TECPR2: variants seen among roughly 807,000 people sequenced by gnomAD.
TECPR2 encodes the protein tectonin beta-propeller repeat containing 2.
Under a neutral mutation model 138.1 loss-of-function variants are expected in TECPR2, and 65 were observed. The observed-to-expected ratio is 0.47, with a 90% CI of 0.39 to 0.58. The LOEUF (loss-of-function observed/expected upper bound fraction) is 0.58. Ranked by LOEUF, TECPR2 falls within the 20% of genes least tolerant of loss-of-function variation. The probability of loss-of-function intolerance (pLI) is 0.00; values close to 1 mark genes in which losing one functional copy is unlikely to be tolerated. For missense variants in TECPR2, 1,553 were observed against 1,824.5 expected, an observed-to-expected ratio of 0.85 and a Z score of 2.71; for synonymous variants, 746 against 749.8, an observed-to-expected ratio of 0.99 and a Z score of 0.08.
intron 8 of TECPR2, among the ~76,000 whole-genome samples, chr14:102,433,670 A>G (rs1016559920): frequency 3.3e-5 from 5 of 151,886 alleles, no homozygotes; most frequent in Non-Finnish European, 5.9e-5. Context: ...ACAGGTGCCC[A>G]CTACCACGCC....
At chr14:102,449,094 T>C (rs533743059) in intron 13 of TECPR2, among the ~76,000 whole-genome samples, 22 of 152,292 alleles carry the variant, frequency 1.4e-4, no homozygotes, top group South Asian at 4.1e-4. Flanking sequence ...GAGACCTGTC[T>C]CTACAAAAAA....
intron 2 of TECPR2, among the ~76,000 whole-genome samples, chr14:102,405,790 A>G (rs1215202109): frequency 6.6e-6 from 1 of 152,226 alleles, no homozygotes; most frequent in African/African-American, 2.4e-5. Context: ...GCGTCTATCA[A>G]CGGATGAATG....
At chr14:102,436,318 CTTTT>C (rs558287413) in intron 9 of TECPR2, among the ~76,000 whole-genome samples, 14 of 135,504 alleles carry the variant, frequency 1.0e-4, no homozygotes, top group Non-Finnish European at 2.1e-4. Flanking sequence ...TTCTTTCTTT[CTTTT>C]TTTTTTTTTT....
intron 17 of TECPR2, among the ~76,000 whole-genome samples, chr14:102,490,068 T>C (rs1180474715): frequency 6.6e-6 from 1 of 151,878 alleles, no homozygotes; most frequent in Admixed American, 6.6e-5. Context: ...AGCAAAGGTG[T>C]GTTGAGACCG....
chr14:102,456,879 G>A (rs1049831811), intron 16 of TECPR2, among the ~76,000 whole-genome samples: 2 of 151,772 alleles, frequency 1.3e-5, no homozygotes, highest in Non-Finnish European at 2.9e-5. Flanking sequence ...GTGAGCTACC[G>A]CACCCAGCCT....
chr14:102,488,906 A>T (rs1370011636), intron 17 of TECPR2, among the ~76,000 whole-genome samples: 4 of 146,784 alleles, frequency 2.7e-5, no homozygotes, highest in Non-Finnish European at 6.0e-5. Flanking sequence ...TTTGAGATGG[A>T]GTTTTGCTCT....
At chr14:102,363,736 AC>A (rs1887261741) in intron 1 of TECPR2, among the ~76,000 whole-genome samples, 1 of 152,200 alleles carries the variant, frequency 6.6e-6, no homozygotes, top group South Asian at 2.1e-4. Context: ...CAAGTGCCCT[AC>A]CTCACTCCGC....
intron 2 of TECPR2, among the ~76,000 whole-genome samples, chr14:102,405,752 G>A (rs1888641456): frequency 6.6e-6 from 1 of 152,194 alleles, no homozygotes; most frequent in African/African-American, 2.4e-5. Context: ...CTTATTCACA[G>A]TAGTTAAAAT....
At chr14:102,384,925 C>T (rs1205316904) in intron 2 of TECPR2, among the ~76,000 whole-genome samples, 1 of 133,532 alleles carries the variant, frequency 7.5e-6, no homozygotes, top group African/African-American at 2.8e-5. Flanking sequence ...GGTGCAATCT[C>T]GGCTCACTGC....
Position 102,428,222 on chromosome 14 carries a change from GTTT to G in TECPR2, c.952-8_952-6del, listed in dbSNP as rs565236204. 0.022 allele frequency: 23,174 copies of G among 1,040,084 alleles called. 9 individuals are homozygous for G. Among genetic ancestry groups the G allele is most frequent in the Non-Finnish European group, 0.025 (20,304 of 821,520 alleles). The allele number at this position is 1,040,084 out of a possible 1,614,324, so 64.4% of individuals were successfully genotyped here. ...ACCGTTGTTTAGTTTTGTGTTTTTT[GTTT>G]TTTTTTTTTTTTTTTTTTTGACAGG... is the stretch of plus-strand genomic sequence containing the variant. On this transcript the variant is annotated intron_variant, in intron 6 of 19. Coordinates refer to ENST00000359520, the MANE Select transcript of TECPR2 (RefSeq NM_014844.5).
intron 17 of TECPR2, among the ~76,000 whole-genome samples, chr14:102,483,879 C>G (rs372203152): frequency 6.9e-6 from 1 of 145,964 alleles, no homozygotes; most frequent in South Asian, 2.2e-4. Context: ...TCACTACAGC[C>G]TCTGCCCCCC....
intron 17 of TECPR2, among the ~76,000 whole-genome samples, chr14:102,478,380 C>CA (rs201347778): frequency 0.028 from 4,157 of 146,474 alleles, 73 homozygotes; most frequent in Middle Eastern, 0.09. Flanking sequence ...TTAAAGTGTA[C>CA]AAAAAAAAAA....
At chr14:102,487,268 C>T (rs1217832202) in intron 17 of TECPR2, among the ~76,000 whole-genome samples, 1 of 152,218 alleles carries the variant, frequency 6.6e-6, no homozygotes, top group African/African-American at 2.4e-5. Context: ...CTCGGTCCAC[C>T]CTGGTATTCC....
chr14:102,469,238 T>A (rs188878755), intron 17 of TECPR2, among the ~76,000 whole-genome samples: 20 of 152,358 alleles, frequency 1.3e-4, no homozygotes, highest in Non-Finnish European at 1.9e-4. Flanking sequence ...TATTTAGATC[T>A]TCTTTACTTT....
chr14:102,431,544 G>A lies in TECPR2; in HGVS notation c.1085-252G>A, dbSNP rs546375047. ...TTTTTAGTAGAGACGGGGTTTCACT[G>A]TGTTAGCCAGGATGGTCTTGATCTC... On this transcript the variant is annotated intron_variant, in intron 7 of 19. Coordinates refer to ENST00000359520, the MANE Select transcript of TECPR2 (RefSeq NM_014844.5). Among the ~76,000 whole-genome samples, 1,068 of 152,082 alleles carry A rather than the reference G, an allele frequency of 7.0e-3. 9 individuals are homozygous for A. Among genetic ancestry groups the A allele is most frequent in the African/African-American group, 0.019 (782 of 41,476 alleles).
intron 1 of TECPR2, among the ~76,000 whole-genome samples, chr14:102,369,380 A>T (rs1469055939): frequency 6.6e-6 from 1 of 152,140 alleles, no homozygotes; most frequent in Non-Finnish European, 1.5e-5. Context: ...TTTTATTTTT[A>T]AAAAAGTTTT....
chr14:102,470,193 A>G (rs908488682), intron 17 of TECPR2, among the ~76,000 whole-genome samples: 39 of 152,110 alleles, frequency 2.6e-4, no homozygotes, highest in African/African-American at 9.2e-4. Flanking sequence ...CCCATTTGTT[A>G]GAATTCGTCA....
chr14:102,457,504 G>T (rs1890303836), intron 16 of TECPR2, among the ~76,000 whole-genome samples: 1 of 152,174 alleles, frequency 6.6e-6, no homozygotes, highest in Admixed American at 6.5e-5. Flanking sequence ...TGCATTGAAT[G>T]GGGATTATTG....
intron 17 of TECPR2, among the ~76,000 whole-genome samples, chr14:102,491,052 G>T (rs1334470839): frequency 1.3e-5 from 2 of 152,102 alleles, no homozygotes; most frequent in Non-Finnish European, 2.9e-5. Context: ...ATGCCACCAT[G>T]CCCGATTAAT....
Sources: gnomAD v4.1 joint callset for allele counts (sites outside exome capture counted in the v4.1 genomes callset) on GRCh38, gnomAD v4.1.1 for gene constraint, MANE v1.5 for transcripts, NCBI Gene and HGNC (gene_info 2026-07-23, HGNC 2026-07-21) for gene names.